The following CCSER1 variants were observed in gnomAD, a reference collection of about 807,000 sequenced individuals.
The protein encoded by CCSER1 is serine-rich coiled-coil domain-containing protein 1.
Under a neutral mutation model 82.0 loss-of-function variants are expected in CCSER1, and 41 were observed. The ratio of observed to expected loss-of-function variants is 0.50; its 90% CI spans 0.39 to 0.65. The LOEUF (loss-of-function observed/expected upper bound fraction) is 0.65. CCSER1 is among the 30% of genes least tolerant of loss of function. CCSER1 has a pLI of 0.00. For missense variants in CCSER1, 1,119 were observed against 1,064.2 expected (o/e 1.05, Z -0.72); for synonymous variants, 414 against 383.9 (o/e 1.08, Z -0.92).
intron 10 of CCSER1, among the ~76,000 whole-genome samples, chr4:91,531,662 C>A (rs1237613412): frequency 6.6e-6 from 1 of 152,142 alleles, no homozygotes; most frequent in Non-Finnish European, 1.5e-5. Context: ...GTTCTGGAGA[C>A]TGGGAAGTCC....
intron 5 of CCSER1, among the ~76,000 whole-genome samples, chr4:90,478,602 A>G (rs192152593): frequency 6.6e-6 from 1 of 152,150 alleles, no homozygotes; most frequent in Non-Finnish European, 1.5e-5. Context: ...TATCCATTTA[A>G]TCTTCCCAAC....
intron 10 of CCSER1, chr4:91,319,007 A>G (rs1181722341): frequency 5.8e-6 from 1 of 171,368 alleles, no homozygotes; most frequent in Non-Finnish European, 1.3e-5. Context: ...TGATTTTGAG[A>G]TGTTTCCTGA....
chr4:90,763,595 T>G (rs896980336), intron 7 of CCSER1, among the ~76,000 whole-genome samples: 3 of 152,132 alleles, frequency 2.0e-5, no homozygotes, highest in African/African-American at 7.2e-5. Flanking sequence ...TGGTAATCAG[T>G]TCACAGAGCA....
chr4:91,056,493 C>A (rs1743460875), intron 9 of CCSER1, among the ~76,000 whole-genome samples: 1 of 152,102 alleles, frequency 6.6e-6, no homozygotes, highest in African/African-American at 2.4e-5. Context: ...AAACCAAATT[C>A]CCTCTGGCAA....
chr4:90,777,877 A>G (rs2149594908), intron 7 of CCSER1, among the ~76,000 whole-genome samples: 1 of 152,330 alleles, frequency 6.6e-6, no homozygotes, highest in South Asian at 2.1e-4. Flanking sequence ...TTAATGTCTC[A>G]ATGCTTAATC....
At position 90,863,949 on chromosome 4, in the gene CCSER1, TTTTTATTTTATTTTATTTTATTTTA is replaced by T. The variant is rs57672590; in HGVS notation, c.2094+48150_2094+48174del. Among the ~76,000 whole-genome samples, 252 of 117,650 alleles carry T rather than the reference TTTTTATTTTATTTTATTTTATTTTA, an allele frequency of 2.1e-3. 4 individuals carry two copies. In the East Asian group the frequency reaches 0.024, roughly 11 times the overall value. 77.2% of individuals were successfully genotyped at this position (117,650 alleles called of 152,430 possible). Reference sequence around the variant, plus strand: ...ACTTTATTCAATTCTACCTATCACGTTTTTATTTTATTTTATTTTATTTTATTTTATTTTATTTTATTTTATTTTA... The same window carrying T: ...ACTTTATTCAATTCTACCTATCACGTTTTTATTTTATTTTATTTTATTTTA... On this transcript the variant is annotated intron_variant, in intron 8 of 10. Transcript: ENST00000509176.
intron 8 of CCSER1, among the ~76,000 whole-genome samples, chr4:90,915,534 T>C (rs1015967407): frequency 6.6e-6 from 1 of 152,154 alleles, no homozygotes; most frequent in African/African-American, 2.4e-5. Context: ...AAGAGCTATC[T>C]ATGACAAACT....
At chr4:90,858,870 A>G (rs1764747620) in intron 8 of CCSER1, among the ~76,000 whole-genome samples, 1 of 151,952 alleles carries the variant, frequency 6.6e-6, no homozygotes, top group Non-Finnish European at 1.5e-5. Context: ...GAAGGAAGAG[A>G]GGGAAGCGGA....
chr4:90,933,028 G>GAAAGAAAGAAAGAAAGAAAGA (rs1730351613), intron 9 of CCSER1, among the ~76,000 whole-genome samples: 2 of 87,066 alleles, frequency 2.3e-5, no homozygotes, highest in Non-Finnish European at 2.2e-5. Flanking sequence ...AAGAAAGAAA[G>GAAAGAAAGAAAGAAAGAAAGA]AAAGAAAGAA....
chr4:91,141,354 G>A (rs943081936), intron 10 of CCSER1, among the ~76,000 whole-genome samples: 2 of 152,116 alleles, frequency 1.3e-5, no homozygotes, highest in South Asian at 2.1e-4. Flanking sequence ...TTTTCACCAT[G>A]TTGGCCAGGG....
chr4:91,517,212 T>C (rs894823962), intron 10 of CCSER1, among the ~76,000 whole-genome samples: 2 of 152,180 alleles, frequency 1.3e-5, no homozygotes, highest in African/African-American at 4.8e-5. Context: ...CTGATTGCTC[T>C]GGCTAGAAAT....
At chr4:91,121,310 T>G (rs1487894677) in intron 10 of CCSER1, among the ~76,000 whole-genome samples, 1 of 151,846 alleles carries the variant, frequency 6.6e-6, no homozygotes, top group African/African-American at 2.4e-5. Flanking sequence ...TGTCCCTGAT[T>G]CACAGTTTTG....
intron 3 of CCSER1, among the ~76,000 whole-genome samples, chr4:90,314,589 TA>T (rs1310936913): frequency 6.6e-6 from 1 of 150,768 alleles, no homozygotes; most frequent in Admixed American, 6.6e-5. Flanking sequence ...AACTCATCTC[TA>T]AAAAAAAATT....
intron 5 of CCSER1, among the ~76,000 whole-genome samples, chr4:90,527,558 G>C (rs1773949132): frequency 6.6e-6 from 1 of 152,108 alleles, no homozygotes; most frequent in South Asian, 2.1e-4. Context: ...TTTAACATAA[G>C]TTGGGACAAT....
At chr4:90,675,319 GT>G (rs1277290046) in intron 6 of CCSER1, among the ~76,000 whole-genome samples, 2 of 151,788 alleles carry the variant, frequency 1.3e-5, no homozygotes, top group Admixed American at 6.6e-5. Context: ...GAAAATGCAT[GT>G]TTTTTTAATC....
intron 10 of CCSER1, among the ~76,000 whole-genome samples, chr4:91,237,049 A>G (rs1739063696): frequency 6.6e-6 from 1 of 152,172 alleles, no homozygotes; most frequent in African/African-American, 2.4e-5. Context: ...ATCTTTGTAA[A>G]GTTATCACTG....
At chr4:91,404,352 G>T (rs1354863743) in intron 10 of CCSER1, among the ~76,000 whole-genome samples, 1 of 152,064 alleles carries the variant, frequency 6.6e-6, no homozygotes, top group African/African-American at 2.4e-5. Flanking sequence ...ACAGATCCTG[G>T]ATTCCTTGAT....
At chr4:91,371,651 T>TC (rs140796020) in intron 10 of CCSER1, among the ~76,000 whole-genome samples, 8,600 of 152,190 alleles carry the variant, frequency 0.057, 834 homozygotes, top group African/African-American at 0.19. Flanking sequence ...AGTGCTGATA[T>TC]TTTTTGATAT....
At chr4:91,123,715 A>C (rs1237202246) in intron 10 of CCSER1, among the ~76,000 whole-genome samples, 1 of 151,766 alleles carries the variant, frequency 6.6e-6, no homozygotes, top group African/African-American at 2.4e-5. Flanking sequence ...CTAATTCTTT[A>C]CACTTGGTTT....
Sources: allele counts gnomAD v4.1 joint callset (sites outside exome capture counted in the v4.1 genomes callset), GRCh38; gene constraint gnomAD v4.1.1; transcripts MANE v1.5; gene names NCBI Gene and HGNC (gene_info 2026-07-23, HGNC 2026-07-21).